The following NTN4 variants were observed in gnomAD, a reference collection of about 807,000 sequenced individuals.
NTN4 encodes the protein netrin-4.
In NTN4, 32 loss-of-function variants were observed where a neutral mutation model predicts 73.6. The observed-to-expected ratio is 0.44, with a 90% CI of 0.33 to 0.58. The LOEUF is 0.58. Ranked by LOEUF, NTN4 falls within the 20% of genes least tolerant of loss-of-function variation. NTN4 has a pLI of 0.04. For synonymous variants in NTN4, 258 were observed against 287.5 expected (o/e 0.90, Z 1.04); for missense variants, 654 against 798.3 (o/e 0.82, Z 2.18).
At chr12:95,785,023 C>T (rs770501647) in intron 2 of NTN4, among the ~76,000 whole-genome samples, 10 of 151,814 alleles carry the variant, frequency 6.6e-5, no homozygotes, top group Non-Finnish European at 1.3e-4. Context: ...ATAAATTCAA[C>T]GTGATATTTG....
chr12:95,663,006 G>C (rs2078150384), intron 9 of NTN4, among the ~76,000 whole-genome samples: 1 of 152,010 alleles, frequency 6.6e-6, no homozygotes, highest in Admixed American at 6.6e-5. Flanking sequence ...TATAGTCCTA[G>C]CTACTCAAGA....
At chr12:95,787,650 A>G (rs2079179490) in intron 1 of NTN4, among the ~76,000 whole-genome samples, 182 bp from the exon 2 acceptor site, 1 of 152,168 alleles carries the variant, frequency 6.6e-6, no homozygotes, top group African/African-American at 2.4e-5. Context: ...TGCATTCACA[A>G]TGCATTCGTG....
At chr12:95,694,601 T>A (rs2078427098) in intron 5 of NTN4, among the ~76,000 whole-genome samples, 1 of 152,166 alleles carries the variant, frequency 6.6e-6, no homozygotes, top group Admixed American at 6.5e-5. Context: ...CTTTTATCTT[T>A]TTTTTCTTTT....
intron 8 of NTN4, among the ~76,000 whole-genome samples, chr12:95,666,680 C>G (rs1368013700): frequency 6.6e-6 from 1 of 152,066 alleles, no homozygotes; most frequent in Admixed American, 6.6e-5. Context: ...TAGGTTCTGA[C>G]TATATTATTC....
chr12:95,670,197 GA>G (rs745456890), intron 7 of NTN4, 51 bp from the exon 8 acceptor site: 3 of 1,084,170 alleles, frequency 2.8e-6, no homozygotes, highest in East Asian at 4.8e-5. Context: ...AGCAAAGAAA[GA>G]AAAAATAAGA....
chr12:95,679,663 C>T (rs956066574), intron 7 of NTN4, among the ~76,000 whole-genome samples: 1 of 152,208 alleles, frequency 6.6e-6, no homozygotes, highest in African/African-American at 2.4e-5. Flanking sequence ...AGCTTAAAGT[C>T]ATCTCTTTGT....
rs2302894 is a variant in NTN4 at position 95,710,148 on chromosome 12, C to G, written c.1180+293G>C. ...CTTAAGATCTTAAATAGCTCTCCCT[C>G]TTCATCACTCTTTTTTCTATTAGTC... On this transcript the variant is annotated intron_variant, in intron 5 of 9. Transcript: ENST00000343702. Among the ~76,000 whole-genome samples, 1,662 of 152,302 alleles carry G rather than the reference C, an allele frequency of 0.011. 156 individuals are homozygous for G. The East Asian group carries it at 0.24, about 22-fold the overall frequency.
At chr12:95,740,048 T>A (rs889151698) in intron 2 of NTN4, 3 of 152,116 alleles carry the variant, frequency 2.0e-5, no homozygotes, top group African/African-American at 7.3e-5. Context: ...CACGCGGATA[T>A]CAGTAGGGAA....
intron 9 of NTN4, among the ~76,000 whole-genome samples, chr12:95,660,101 C>T (rs577753699): frequency 1.3e-5 from 2 of 152,202 alleles, no homozygotes; most frequent in Admixed American, 6.5e-5. Context: ...GCAACCTCTG[C>T]CTCCTGGGTT....
At chr12:95,672,609 A>T (rs1168390533) in intron 7 of NTN4, 2 of 1,524,404 alleles carry the variant, frequency 1.3e-6, no homozygotes, top group Non-Finnish European at 1.8e-6. Flanking sequence ...GGTAAAGCAG[A>T]AACTGCTGCA....
At chr12:95,738,199 T>C (rs1282807099) in intron 2 of NTN4, 55 bp from the exon 3 acceptor site, 13 of 1,473,698 alleles carry the variant, frequency 8.8e-6, no homozygotes, top group Admixed American at 3.7e-5. Context: ...AAACCCTGAA[T>C]TGTTTGCCTA....
At chr12:95,678,552 C>T (rs528256350) in intron 7 of NTN4, among the ~76,000 whole-genome samples, 6 of 151,916 alleles carry the variant, frequency 3.9e-5, no homozygotes, top group Non-Finnish European at 8.8e-5. Context: ...TATCAAAAAT[C>T]GATATCAAGT....
At chr12:95,745,766 T>C (rs1308488240) in intron 2 of NTN4, among the ~76,000 whole-genome samples, 1 of 152,228 alleles carries the variant, frequency 6.6e-6, no homozygotes, top group Non-Finnish European at 1.5e-5. Context: ...TCTTGAGCTT[T>C]TTCTTGGGAT....
chr12:95,740,725 T>A (rs893707340), intron 2 of NTN4, among the ~76,000 whole-genome samples: 1 of 152,182 alleles, frequency 6.6e-6, no homozygotes, highest in Non-Finnish European at 1.5e-5. Flanking sequence ...ATCTTTCTAC[T>A]TAAACTTCTG....
At chr12:95,721,522 A>G (rs1348375466) in intron 3 of NTN4, among the ~76,000 whole-genome samples, 4 of 152,124 alleles carry the variant, frequency 2.6e-5, no homozygotes, top group African/African-American at 9.7e-5. Context: ...CTTACTAGGA[A>G]CTCCTTTGAA....
intron 2 of NTN4, among the ~76,000 whole-genome samples, chr12:95,759,380 A>G (rs2078968793): frequency 6.6e-6 from 1 of 151,208 alleles, no homozygotes; most frequent in Non-Finnish European, 1.5e-5. Context: ...TTTTTACTTA[A>G]TCATCTTTTC....
At position 95,735,109 on chromosome 12, in the gene NTN4, TC is replaced by T. The variant is rs201043686; in HGVS notation, c.864+2756del. ...TTTCCAAATTTAATACAAGCTCTTTTCTAATTCAGAAAAAAGTATAGATAAA... is the reference window on the plus strand; with the variant it reads ...TTTCCAAATTTAATACAAGCTCTTTTTAATTCAGAAAAAAGTATAGATAAA... On this transcript the variant is annotated intron_variant, in intron 3 of 9. Coordinates refer to ENST00000343702, the MANE Select transcript of NTN4 (RefSeq NM_021229.4). 2.9e-4 allele frequency among the ~76,000 whole-genome samples: 27 copies of T among 92,956 alleles called. No homozygotes were observed. The East Asian group carries it at 6.2e-3, about 21-fold the overall frequency. 61.0% of individuals were successfully genotyped at this position (92,956 alleles called of 152,430 possible).
intron 2 of NTN4, among the ~76,000 whole-genome samples, chr12:95,762,493 T>C (rs538957848): frequency 6.6e-6 from 1 of 152,338 alleles, no homozygotes; most frequent in East Asian, 1.9e-4. Context: ...AGTATGAGGA[T>C]TAGTTGCAAG....
At chr12:95,672,935 T>C (rs1159997329) in intron 7 of NTN4, 9 of 1,123,606 alleles carry the variant, frequency 8.0e-6, no homozygotes, top group Middle Eastern at 4.3e-4. Context: ...CTGAACCTGC[T>C]GACTGGTATT....
Sources: allele counts gnomAD v4.1 joint callset (sites outside exome capture counted in the v4.1 genomes callset), GRCh38; gene constraint gnomAD v4.1.1; transcripts MANE v1.5; gene names NCBI Gene and HGNC (gene_info 2026-07-23, HGNC 2026-07-21).